The following SPEN variants were observed in gnomAD, a reference collection of about 807,000 sequenced individuals.
The protein encoded by SPEN is spen family transcriptional repressor.
Under a neutral mutation model 269.9 loss-of-function variants are expected in SPEN, and 18 were observed. The ratio of observed to expected loss-of-function variants is 0.07; its 90% confidence interval spans 0.05 to 0.10. The LOEUF (loss-of-function observed/expected upper bound fraction) is 0.10. Among genes scored for constraint, SPEN ranks in the 10% least tolerant of loss-of-function variants. The probability of loss-of-function intolerance (pLI) is 1.00; values close to 1 mark genes in which losing one functional copy is unlikely to be tolerated. For synonymous variants in SPEN, 1,726 were observed against 1,765.7 expected, an observed-to-expected ratio of 0.98 and a Z score of 0.56; for missense variants, 3,822 against 4,631.2, an observed-to-expected ratio of 0.83 and a Z score of 5.07.
chr1:15,878,030 C>A (rs1360616661), intron 3 of SPEN, among the ~76,000 whole-genome samples: 1 of 152,004 alleles, frequency 6.6e-6, no homozygotes, highest in African/African-American at 2.4e-5. Flanking sequence ...CCAGTGTGAG[C>A]TACTGCGCCT....
At chr1:15,910,987 CCTGT>C (rs550655420) in intron 4 of SPEN, 110 bp from the exon 5 acceptor site, 179 of 840,002 alleles carry the variant, frequency 2.1e-4, no homozygotes, top group Non-Finnish European at 3.1e-4. Context: ...TAGTATATTA[CCTGT>C]CTGACATGAA....
In SPEN at chr1:15,934,864, C is replaced by T. The variant is rs1158480047; in HGVS notation, c.8624C>T (p.Ala2875Val). The T allele has an allele frequency of 2.5e-6, 4 of 1,614,058 alleles. No homozygotes were observed. Among genetic ancestry groups the T allele is most frequent in the African/African-American group, 2.7e-5 (2 of 74,920 alleles). ...QPPSKGPQAP[A>V]GYANVATHST... is the part of the protein sequence containing the mutation. Reference sequence around the variant, plus strand: ...CCATCCAAAGGCCCTCAAGCTCCTGCAGGCTATGCGAACGTGGCCACCCAT... The same window carrying T: ...CCATCCAAAGGCCCTCAAGCTCCTGTAGGCTATGCGAACGTGGCCACCCAT... The change falls in exon 11 of 15, where the codon GCA becomes GTA. Residue 2875 changes from alanine (A) to valine (V), a missense_variant. This residue lies in a region of SPEN where 329 missense variants were observed against 431.2 expected (regional missense o/e 0.76). Coordinates refer to ENST00000375759, the MANE Select transcript of SPEN (RefSeq NM_015001.3). The surrounding 1 kb of genome is among the most constrained non-coding windows in gnomAD (Gnocchi z 9.2).
chr1:15,934,818 T>C lies in SPEN; in HGVS notation c.8578T>C (p.Ser2860Pro). 6.2e-7 allele frequency: 1 copy of C among 1,614,172 alleles called. No individual in the cohort carries two copies. Among genetic ancestry groups the C allele is most frequent in the Non-Finnish European group, 8.5e-7 (1 of 1,180,020 alleles). ...GTCCAAGTCCCAGGTCAAACCTGAT[T>C]CTGTCACAGCATCGCAGCCTCCATC... is the stretch of plus-strand genomic sequence containing the variant. ...SVSKSQVKPD[S>P]VTASQPPSKG... is the part of the protein sequence containing the mutation. The change falls in exon 11 of 15, where the codon TCT becomes CCT. Residue 2860 changes from serine (S) to proline (P), a missense_variant. Ser to Pro is a moderately conservative substitution (Grantham distance 74). Around this residue, in one of 16 missense-constraint regions of SPEN, gnomAD observed 329 missense variants for 431.2 expected, o/e 0.76. Transcript: ENST00000375759. The surrounding 1 kb of genome is among the most constrained non-coding windows in gnomAD (Gnocchi z 9.2).
intron 6 of SPEN, 116 bp downstream of exon 6, chr1:15,916,395 G>A (rs997090259): frequency 1.0e-4 from 115 of 1,126,908 alleles, no homozygotes; most frequent in Non-Finnish European, 1.3e-4. Context: ...ACATTGTTGT[G>A]TGCTTTTAGC....
intron 1 of SPEN, among the ~76,000 whole-genome samples, chr1:15,865,867 A>G (rs921556292): frequency 1.3e-5 from 2 of 149,682 alleles, no homozygotes; most frequent in African/African-American, 2.5e-5. Flanking sequence ...GCTATATAGG[A>G]GTTGTAATTT....
intron 4 of SPEN, among the ~76,000 whole-genome samples, chr1:15,910,884 A>G (rs1049558717): frequency 1.3e-5 from 2 of 152,292 alleles, no homozygotes; most frequent in Non-Finnish European, 2.9e-5. Flanking sequence ...ATTTAAGTCA[A>G]ATCTCAAGCT....
chr1:15,891,918 A>AG (rs397735443), intron 3 of SPEN, among the ~76,000 whole-genome samples: 1 of 151,022 alleles, frequency 6.6e-6, no homozygotes, highest in Non-Finnish European at 1.5e-5. Context: ...AAAAAAAAAA[A>AG]CTTATTTATG....
At chr1:15,858,313 C>T (rs866000031) in intron 1 of SPEN, among the ~76,000 whole-genome samples, 16 of 151,938 alleles carry the variant, frequency 1.1e-4, no homozygotes, top group African/African-American at 3.9e-4. Flanking sequence ...CCAAATTCAC[C>T]AGTTAACATT....
At chr1:15,892,112 C>T (rs919195265) in intron 3 of SPEN, among the ~76,000 whole-genome samples, 6 of 150,584 alleles carry the variant, frequency 4.0e-5, no homozygotes, top group South Asian at 2.1e-4. Flanking sequence ...GCTCCGCCTC[C>T]CCGGTTCACG....
chr1:15,903,476 C>G (rs1420936911), intron 3 of SPEN, among the ~76,000 whole-genome samples: 1 of 152,206 alleles, frequency 6.6e-6, no homozygotes. Flanking sequence ...ACGCCTCAAC[C>G]TCCTGGGCTT....
Position 15,935,614 on chromosome 1 carries a change from A to G in SPEN, c.9374A>G (p.Gln3125Arg). ...CTTCACTCTCCTCGGGCTCCGCTGC[A>G]GCCCCAGCAAATAGAGGTCAGGGCC... ...EALHSPRAPL[Q>R]PQQIEVRAPQ... The change falls in exon 11 of 15, where the codon CAG becomes CGG. Residue 3125 changes from glutamine (Q) to arginine (R), a missense_variant. This residue lies in a region of SPEN where 153 missense variants were observed against 228.5 expected (regional missense o/e 0.67). Transcript: ENST00000375759. The surrounding 1 kb of genome is among the most constrained non-coding windows in gnomAD (Gnocchi z 7.7). 3 of 1,614,088 alleles carry G rather than the reference A, an allele frequency of 1.9e-6. No homozygotes were observed. Among genetic ancestry groups the G allele is most frequent in the Non-Finnish European group, 2.5e-6 (3 of 1,179,990 alleles).
chr1:15,878,854 AC>A (rs1262947280), intron 3 of SPEN, among the ~76,000 whole-genome samples: 1 of 151,804 alleles, frequency 6.6e-6, no homozygotes, highest in African/African-American at 2.4e-5. Flanking sequence ...TACTAAAAAT[AC>A]AAAAATTAGC....
chr1:15,899,547 T>TTG (rs2070879633), intron 3 of SPEN, among the ~76,000 whole-genome samples: 1 of 148,234 alleles, frequency 6.7e-6, no homozygotes. Flanking sequence ...GTTTTTTTTT[T>TTG]TTTTTTTTTT....
At chr1:15,890,148 A>G (rs959231647) in intron 3 of SPEN, among the ~76,000 whole-genome samples, 27 of 152,338 alleles carry the variant, frequency 1.8e-4, no homozygotes, top group African/African-American at 6.3e-4. Context: ...CATCCTCTAA[A>G]AACTTTCATT....
At chr1:15,898,662 C>T (rs914134817) in intron 3 of SPEN, among the ~76,000 whole-genome samples, 7 of 150,954 alleles carry the variant, frequency 4.6e-5, no homozygotes, top group Non-Finnish European at 7.4e-5. Context: ...CAGGCTCAAG[C>T]GATTCTCCTG....
Position 15,937,824 on chromosome 1 carries a change from G to C in SPEN, c.10522G>C (p.Val3508Leu). Residue 3508 changes from valine to leucine, a missense_variant, in exon 13 of 15, where the codon GTG becomes CTG. Val to Leu is a conservative substitution (Grantham distance 32). Around this residue, in one of 16 missense-constraint regions of SPEN, gnomAD observed 103 missense variants for 215.8 expected, o/e 0.48. Transcript: ENST00000375759. This position sits in a 1 kb window ranked among gnomAD's most constrained non-coding sequence, Gnocchi z 5.7. Reference sequence around the variant, plus strand: ...TCCCTGTGAGCAGAAGTACCCCATCGTGTGGCAGGGCCTGCTGGCCCTCAA... The same window carrying C: ...TCCCTGTGAGCAGAAGTACCCCATCCTGTGGCAGGGCCTGCTGGCCCTCAA... The part of the protein sequence containing the change: ...MVQLLKKYPI[V>L]WQGLLALKND... 6.2e-7 allele frequency: 1 copy of C among 1,613,944 alleles called. No individual in the cohort carries two copies.
intron 3 of SPEN, among the ~76,000 whole-genome samples, chr1:15,899,930 C>G (rs909887307): frequency 4.6e-5 from 7 of 152,178 alleles, no homozygotes; most frequent in Admixed American, 4.6e-4. Flanking sequence ...ACTGCAACCT[C>G]TGCCTCCCAG....
In SPEN at chr1:15,939,481, C is replaced by T. The variant is rs2071314667; in HGVS notation, c.*54C>T. On this transcript the variant is annotated 3_prime_UTR_variant, in exon 15 of 15. Transcript: ENST00000375759. This position sits in a 1 kb window ranked among gnomAD's most constrained non-coding sequence, Gnocchi z 4.1. ...TCTTCCCAGGGCTCTGCAGTAAAAA[C>T]AAAGGACAACCCAGCCAAGCAGAGG... 1 of 1,481,654 alleles carries T rather than the reference C, an allele frequency of 6.7e-7. No homozygotes were observed. Among genetic ancestry groups the T allele is most frequent in the Non-Finnish European group, 9.0e-7 (1 of 1,110,016 alleles). The allele number at this position is 1,481,654 out of a possible 1,614,324, so 91.8% of individuals were successfully genotyped here.
intron 3 of SPEN, among the ~76,000 whole-genome samples, chr1:15,905,315 G>A (rs2070945370): frequency 6.6e-6 from 1 of 151,802 alleles, no homozygotes; most frequent in East Asian, 1.9e-4. Flanking sequence ...TCCGCCTCCC[G>A]GGTTCAAGCG....
Sources: allele counts gnomAD v4.1 joint callset (sites outside exome capture counted in the v4.1 genomes callset), GRCh38; gene constraint gnomAD v4.1.1; regional missense constraint gnomAD v4.1.1; non-coding constraint Gnocchi (gnomAD v3.1); transcripts MANE v1.5; gene names NCBI Gene and HGNC (gene_info 2026-07-23, HGNC 2026-07-21).